The following ROCK2 variants were observed in gnomAD, a reference collection of about 807,000 sequenced individuals.
ROCK2 encodes the protein Rho associated coiled-coil containing protein kinase 2.
ROCK2 carries 61 observed loss-of-function variants against 195.1 expected under a neutral mutation model. The observed-to-expected ratio is 0.31, with a 90% CI of 0.25 to 0.39. The LOEUF (loss-of-function observed/expected upper bound fraction) is 0.39, where lower values mean the gene tolerates loss of function less well. ROCK2 is among the 10% of genes least tolerant of loss of function. The pLI is 1.00. For synonymous variants in ROCK2, 504 were observed against 545.5 expected, an observed-to-expected ratio of 0.92 and a Z score of 1.06; for missense variants, 1,109 against 1,637.4, an observed-to-expected ratio of 0.68 and a Z score of 5.57.
In ROCK2 at chr2:11,208,442, C is replaced by A; in HGVS notation, c.2209G>T (p.Glu737Ter). ...GTTCTTTCCTCCAAGAGCTTCTTCT[C>A]CATTTCTAGTATAATAAAAATGGAC... ...EAKSEAMKEM[E>*]KKLLEERTLK... is the part of the protein sequence containing the mutation. The change falls in exon 19 of 33, where the codon GAG becomes TAG. Residue 737 changes from glutamate (E) to a stop codon, truncating the protein, a stop_gained. Transcript: ENST00000315872. LOFTEE classifies it high-confidence loss of function. 1 of 1,492,354 alleles carries A rather than the reference C, an allele frequency of 6.7e-7. No homozygotes were observed. Among genetic ancestry groups the A allele is most frequent in the Non-Finnish European group, 9.0e-7 (1 of 1,109,668 alleles). The allele number at this position is 1,492,354 out of a possible 1,614,324, so 92.4% of individuals were successfully genotyped here. A position where few individuals can be genotyped will look rare whatever the true frequency, so the allele number is the denominator to read the frequency against.
At chr2:11,271,881 G>A (rs10929729) in intron 3 of ROCK2, among the ~76,000 whole-genome samples, 111,588 of 151,904 alleles carry the variant, frequency 0.73, 42,743 homozygotes, top group East Asian at 0.94. Context: ...TTAGCCGGGC[G>A]TGGTGGCGGG....
At chr2:11,188,258 T>C (rs1663275405) in intron 32 of ROCK2, among the ~76,000 whole-genome samples, 6 of 151,930 alleles carry the variant, frequency 3.9e-5, no homozygotes, top group Admixed American at 3.9e-4. Context: ...TACAGGCGCC[T>C]GACACCACGC....
Position 11,308,005 on chromosome 2 carries a change from G to C in ROCK2, c.142-20269C>G. The C allele has an allele frequency of 2.0e-6, 3 of 1,534,558 alleles. No homozygotes were observed. In the South Asian group the frequency reaches 3.7e-5, roughly 19 times the overall value. ...GCCTTGCTGGGGTAGGGGCAGGAGG[G>C]GACGGGGTGGGGACCAGCCATGTCA... On this transcript the variant is annotated intron_variant, in intron 1 of 32. Coordinates refer to ENST00000315872, the MANE Select transcript of ROCK2 (RefSeq NM_004850.5).
At chr2:11,196,465 A>G (rs1663640772) in intron 27 of ROCK2, among the ~76,000 whole-genome samples, 1 of 152,190 alleles carries the variant, frequency 6.6e-6, no homozygotes, top group Non-Finnish European at 1.5e-5. Flanking sequence ...GTATTACTCC[A>G]TTTCTCGCAA....
chr2:11,327,292 T>C (rs1304673176), intron 1 of ROCK2, among the ~76,000 whole-genome samples: 3 of 152,188 alleles, frequency 2.0e-5, no homozygotes, highest in Non-Finnish European at 4.4e-5. Flanking sequence ...CTCAAAAGTT[T>C]ACAGTCAGAG....
intron 4 of ROCK2, among the ~76,000 whole-genome samples, chr2:11,246,394 T>G (rs1456347705): frequency 6.6e-6 from 1 of 152,158 alleles, no homozygotes; most frequent in Admixed American, 6.5e-5. Context: ...TTAAATTTTT[T>G]TTTAATGCCA....
intron 1 of ROCK2, among the ~76,000 whole-genome samples, chr2:11,323,495 A>G (rs1668458765): frequency 6.6e-6 from 1 of 152,210 alleles, no homozygotes; most frequent in African/African-American, 2.4e-5. Context: ...TGCTACTCAG[A>G]TGTTCTGACT....
intron 3 of ROCK2, among the ~76,000 whole-genome samples, chr2:11,276,049 G>T (rs1666815471): frequency 6.6e-6 from 1 of 152,074 alleles, no homozygotes; most frequent in African/African-American, 2.4e-5. Flanking sequence ...CAAACCAGGA[G>T]TAAAAGAAAA....
At chr2:11,215,160 C>T in intron 15 of ROCK2, 74 bp from the exon 16 acceptor site, 1 of 1,551,962 alleles carries the variant, frequency 6.4e-7, no homozygotes, top group East Asian at 2.3e-5. Flanking sequence ...CAATGTATTC[C>T]CCCATTAGAA....
At chr2:11,219,163 G>T in intron 9 of ROCK2, 137 bp from the exon 10 acceptor site, 1 of 445,492 alleles carries the variant, frequency 2.2e-6, no homozygotes, top group South Asian at 3.9e-5. Flanking sequence ...TACAAATGAA[G>T]CAATATTTTT....
chr2:11,284,357 T>C (rs1321470785), intron 3 of ROCK2, among the ~76,000 whole-genome samples: 1 of 152,122 alleles, frequency 6.6e-6, no homozygotes, highest in African/African-American at 2.4e-5. Context: ...ACCTATAGGA[T>C]GTACACCACC....
chr2:11,328,075 T>C (rs1377281014), intron 1 of ROCK2, among the ~76,000 whole-genome samples: 1 of 152,166 alleles, frequency 6.6e-6, no homozygotes, highest in Non-Finnish European at 1.5e-5. Flanking sequence ...GCTCACTCTC[T>C]TCCCTTCCAC....
chr2:11,233,771 T>C (rs1038043808), intron 5 of ROCK2, among the ~76,000 whole-genome samples: 11 of 152,140 alleles, frequency 7.2e-5, no homozygotes, highest in African/African-American at 2.2e-4. Flanking sequence ...TAAGAACATA[T>C]AGTACACTAT....
chr2:11,217,293 A>T (rs566591997), intron 11 of ROCK2, 124 bp from the exon 12 acceptor site: 1 of 740,466 alleles, frequency 1.4e-6, no homozygotes, highest in Non-Finnish European at 2.5e-6. Context: ...ATAATGGTAC[A>T]GTATTTGTAC....
intron 1 of ROCK2, among the ~76,000 whole-genome samples, chr2:11,315,289 T>C (rs1219487672): frequency 2.0e-5 from 3 of 152,064 alleles, no homozygotes; most frequent in Non-Finnish European, 4.4e-5. Context: ...GGTTAAGCAA[T>C]TATAACCACT....
At position 11,192,418 on chromosome 2, in the gene ROCK2, C is replaced by A; in HGVS notation, c.3949+33G>T. On this transcript the variant is annotated intron_variant, in intron 31 of 32. Transcript: ENST00000315872. The surrounding 1 kb of genome is among the most constrained non-coding windows in gnomAD (Gnocchi z 5.0). Reference sequence around the variant, plus strand: ...GTGCTTAAAATGATCTGAACATAACCAATATCGATGGAGCAAGTAATTTAT... The same window carrying A: ...GTGCTTAAAATGATCTGAACATAACAAATATCGATGGAGCAAGTAATTTAT... 1 of 1,611,180 alleles carries A rather than the reference C, an allele frequency of 6.2e-7. No homozygotes were observed. Among genetic ancestry groups the A allele is most frequent in the Non-Finnish European group, 8.5e-7 (1 of 1,178,508 alleles).
chr2:11,216,123 A>G (rs1313059436), intron 13 of ROCK2, 35 bp downstream of exon 13: 1 of 1,572,054 alleles, frequency 6.4e-7, no homozygotes, highest in African/African-American at 1.4e-5. Flanking sequence ...ATTTTTACTA[A>G]CAAAAATGTT....
chr2:11,223,682 T>C (rs1423717776), intron 7 of ROCK2, among the ~76,000 whole-genome samples: 2 of 152,178 alleles, frequency 1.3e-5, no homozygotes, highest in African/African-American at 4.8e-5. Flanking sequence ...CATCCTCTTG[T>C]ATATGTTGGT....
intron 17 of ROCK2, among the ~76,000 whole-genome samples, 157 bp from the exon 18 acceptor site, chr2:11,211,997 C>T (rs1333217733): frequency 1.3e-5 from 2 of 151,820 alleles, no homozygotes; most frequent in Non-Finnish European, 2.9e-5. Flanking sequence ...CCTCAACCTC[C>T]CCAGGCTCAA....
Sources: allele counts gnomAD v4.1 joint callset (sites outside exome capture counted in the v4.1 genomes callset), GRCh38; gene constraint gnomAD v4.1.1; non-coding constraint Gnocchi (gnomAD v3.1); transcripts MANE v1.5; gene names NCBI Gene and HGNC (gene_info 2026-07-23, HGNC 2026-07-21).